The following MYOM1 variants were observed in gnomAD, a reference collection of about 807,000 sequenced individuals.
The protein encoded by MYOM1 is myomesin-1.
In MYOM1, 164 loss-of-function variants were observed where a neutral mutation model predicts 205.3. The observed-to-expected ratio is 0.80, with a 90% confidence interval of 0.70 to 0.91. MYOM1 has a LOEUF of 0.91. MYOM1 is among the 40% of genes least tolerant of loss of function. The pLI, the probability that MYOM1 is intolerant of heterozygous loss-of-function variation, is 0.00. For synonymous variants in MYOM1, 772 were observed against 789.4 expected, an observed-to-expected ratio of 0.98 and a Z score of 0.37; for missense variants, 2,011 against 2,127.3, an observed-to-expected ratio of 0.95 and a Z score of 1.08.
intron 18 of MYOM1, 23 bp from the exon 19 acceptor site, chr18:3,126,920 T>G (rs1387865179): frequency 1.3e-6 from 2 of 1,582,294 alleles, no homozygotes; most frequent in Non-Finnish European, 1.7e-6. Flanking sequence ...GAATAGCTTG[T>G]GAGTAGGCAG....
At chr18:3,151,994 T>A in intron 11 of MYOM1, 101 bp from the exon 12 acceptor site, 1 of 1,254,502 alleles carries the variant, frequency 8.0e-7, no homozygotes, top group Non-Finnish European at 1.1e-6. Context: ...ATCTTCTCCC[T>A]ATAAAATATC....
chr18:3,151,812 G>A lies in MYOM1; in HGVS notation c.1725C>T (p.Ile575=), dbSNP rs780564541. ...CTCGGAAGATATAGGAACGACCTTC[G>A]ATCAATCCAGTGACAGGAAAACGAG... The part of the protein sequence containing the change: ...KFARFPVTGL[I]EGRSYIFRVR... Residue 575 remains isoleucine (I), a synonymous_variant, in exon 12 of 38, where the codon ATC becomes ATT. Transcript: ENST00000356443. The A allele has an allele frequency of 2.5e-6, 4 of 1,613,798 alleles. No homozygotes were observed. Among genetic ancestry groups the A allele is most frequent in the African/African-American group, 2.7e-5 (2 of 75,022 alleles).
At chr18:3,074,869 G>A (rs2079002821) in intron 36 of MYOM1, among the ~76,000 whole-genome samples, 1 of 152,086 alleles carries the variant, frequency 6.6e-6, no homozygotes, top group African/African-American at 2.4e-5. Flanking sequence ...GGAGTGCAGT[G>A]GCGTGATCTT....
intron 2 of MYOM1, among the ~76,000 whole-genome samples, chr18:3,212,401 T>A (rs963904213): frequency 6.6e-6 from 1 of 152,150 alleles, no homozygotes; most frequent in Non-Finnish European, 1.5e-5. Flanking sequence ...AGAGCAAATG[T>A]TTTCACAATA....
the MYOM1 span, among the ~76,000 whole-genome samples, chr18:3,237,844 A>C: frequency 6.6e-6 from 1 of 152,088 alleles, no homozygotes; most frequent in Non-Finnish European, 1.5e-5. Flanking sequence ...GTTTTACAAG[A>C]TGCAAAGAGT....
At chr18:3,109,774 A>G (rs940290764) in intron 22 of MYOM1, among the ~76,000 whole-genome samples, 1 of 152,128 alleles carries the variant, frequency 6.6e-6, no homozygotes, top group African/African-American at 2.4e-5. Flanking sequence ...TTACATTACT[A>G]TTATTATTAT....
In MYOM1 at chr18:3,116,525, A is replaced by T. The variant is rs1252167315; in HGVS notation, c.3119-10T>A. 1.3e-6 allele frequency: 2 copies of T among 1,505,828 alleles called. No individual in the cohort carries two copies. Among genetic ancestry groups the T allele is most frequent in the Non-Finnish European group, 1.8e-6 (2 of 1,122,874 alleles). The allele number at this position is 1,505,828 out of a possible 1,614,324, so 93.3% of individuals were successfully genotyped here. On this transcript the variant is annotated splice_polypyrimidine_tract_variant and intron_variant, in intron 20 of 37. Coordinates refer to ENST00000356443, the MANE Select transcript of MYOM1 (RefSeq NM_003803.4). ...AGACTGTGCGGTGGTCCTGAGAGAG[A>T]GAGAAGCCAATGAGTAGAAATCATA...
intron 3 of MYOM1, among the ~76,000 whole-genome samples, chr18:3,191,954 C>A (rs2080915220): frequency 6.6e-6 from 1 of 152,244 alleles, no homozygotes; most frequent in Admixed American, 6.5e-5. Context: ...CCTCAGCCTC[C>A]CAAAGTGCTG....
intron 37 of MYOM1, among the ~76,000 whole-genome samples, chr18:3,068,196 A>C (rs1283071937): frequency 6.6e-6 from 1 of 152,128 alleles, no homozygotes; most frequent in African/African-American, 2.4e-5. Context: ...CAAGGTCTAC[A>C]GTTTTATTTT....
At chr18:3,169,033 A>G (rs900842035) in intron 8 of MYOM1, 52 bp from the exon 9 acceptor site, 1 of 1,517,424 alleles carries the variant, frequency 6.6e-7, no homozygotes, top group Non-Finnish European at 8.9e-7. Context: ...TCAAAGAGAC[A>G]CAAGCATTTT....
At chr18:3,200,840 T>C (rs2081057114) in intron 2 of MYOM1, among the ~76,000 whole-genome samples, 1 of 152,036 alleles carries the variant, frequency 6.6e-6, no homozygotes. Flanking sequence ...AGACTAAAGC[T>C]TCCAAAATTT....
At chr18:3,109,678 T>G (rs893139462) in intron 22 of MYOM1, among the ~76,000 whole-genome samples, 2 of 152,228 alleles carry the variant, frequency 1.3e-5, no homozygotes, top group African/African-American at 4.8e-5. Flanking sequence ...AAAAAGGATT[T>G]AAGAAGAGTT....
At chr18:3,107,488 TG>T (rs2079467165) in intron 22 of MYOM1, among the ~76,000 whole-genome samples, 1 of 152,228 alleles carries the variant, frequency 6.6e-6, no homozygotes, top group South Asian at 2.1e-4. Context: ...TTGCACTGGT[TG>T]TTTAGTTTAT....
At chr18:3,072,704 G>GT (rs1337632701) in intron 36 of MYOM1, among the ~76,000 whole-genome samples, 1 of 151,792 alleles carries the variant, frequency 6.6e-6, no homozygotes, top group Non-Finnish European at 1.5e-5. Flanking sequence ...GTGTGTGGGG[G>GT]GCGGTGGGGG....
rs572247959 is a variant in MYOM1, at chr18:3,219,633, G to A, written c.-29+170C>T. 3.3e-5 allele frequency among the ~76,000 whole-genome samples: 5 copies of A among 152,300 alleles called. No individual in the cohort carries two copies. Among genetic ancestry groups the A allele is most frequent in the African/African-American group, 9.6e-5 (4 of 41,554 alleles). ...AGCTGTGCCAGCCCGACTGGCACCCGGCTGTTCTGGTTTCCCTCCCTGGAG... is the reference window on the plus strand; with the variant it reads ...AGCTGTGCCAGCCCGACTGGCACCCAGCTGTTCTGGTTTCCCTCCCTGGAG... On this transcript the variant is annotated intron_variant, in intron 1 of 37. Coordinates refer to ENST00000356443, the MANE Select transcript of MYOM1 (RefSeq NM_003803.4). This position sits in a 1 kb window ranked among gnomAD's most constrained non-coding sequence, Gnocchi z 4.4.
At chr18:3,124,110 T>C (rs566318001) in intron 19 of MYOM1, among the ~76,000 whole-genome samples, 26 of 151,520 alleles carry the variant, frequency 1.7e-4, no homozygotes, top group Middle Eastern at 3.4e-3. Flanking sequence ...GTGCTGAGAC[T>C]ACAGGTGCGA....
intron 22 of MYOM1, among the ~76,000 whole-genome samples, chr18:3,106,673 A>C (rs1427996802): frequency 6.6e-6 from 1 of 152,152 alleles, no homozygotes; most frequent in Non-Finnish European, 1.5e-5. Context: ...AAAATTTTTA[A>C]TTAGTGGGAT....
Position 3,100,197 on chromosome 18 carries a change from T to C in MYOM1, c.3689A>G (p.Lys1230Arg), listed in dbSNP as rs2079357965. 1 of 1,613,818 alleles carries C rather than the reference T, an allele frequency of 6.2e-7. No homozygotes were observed. The highest frequency in any genetic ancestry group is 1.3e-5 in the African/African-American group (1 of 74,928). ...TTCATGGCTGAGAGCAAGTAAACGT[T>C]TCAATTCTGTAGGGGGAAAAAGAAG... ...SSYLIDEEEL[K>R]RLLALSHEHK... The change falls in exon 25 of 38, where the codon AAA becomes AGA. Residue 1230 changes from lysine (K) to arginine (R), a missense_variant. Lys to Arg is a conservative substitution (Grantham distance 26). Coordinates refer to ENST00000356443, the MANE Select transcript of MYOM1 (RefSeq NM_003803.4).
chr18:3,074,123 T>C (rs1233760165), intron 36 of MYOM1, among the ~76,000 whole-genome samples: 1 of 152,212 alleles, frequency 6.6e-6, no homozygotes, highest in East Asian at 1.9e-4. Context: ...TTCAAGAATC[T>C]GGAAAGACAG....
Sources: gnomAD v4.1 joint callset for allele counts (sites outside exome capture counted in the v4.1 genomes callset) on GRCh38, gnomAD v4.1.1 for gene constraint, Gnocchi (gnomAD v3.1) non-coding constraint, MANE v1.5 for transcripts, NCBI Gene and HGNC (gene_info 2026-07-23, HGNC 2026-07-21) for gene names.